Variants in PCDH15 observed in about 807,000 individuals in gnomAD.
PCDH15 encodes the protein protocadherin related 15, also known as protocadherin-15.
A neutral mutation model predicts 178.5 loss-of-function variants in PCDH15; 129 were observed. That is an observed-to-expected ratio of 0.72 (90% CI 0.63 to 0.84). The LOEUF is 0.84. Among genes scored for constraint, PCDH15 ranks in the 40% least tolerant of loss-of-function variants. The probability of loss-of-function intolerance (pLI) is 0.00; values close to 1 mark genes in which losing one functional copy is unlikely to be tolerated. For synonymous variants in PCDH15, 800 were observed against 732.0 expected, an observed-to-expected ratio of 1.09 and a Z score of -1.50; for missense variants, 2,230 against 2,099.9, an observed-to-expected ratio of 1.06 and a Z score of -1.21.
intron 1 of PCDH15, among the ~76,000 whole-genome samples, chr10:54,705,138 A>G (rs1407031896): frequency 6.6e-6 from 1 of 152,074 alleles, no homozygotes; most frequent in Admixed American, 6.6e-5. Flanking sequence ...CATGGACACA[A>G]ATAAGGGATT....
In PCDH15 at chr10:54,195,770, T is replaced by C. The variant is rs1391412746; in HGVS notation, c.1218A>G (p.Glu406=). ...TMPSYQGYIL[E]SAPVGATISD... ...AAATGGTTGCTCCCACTGGGGCAGA[T>C]TCCAGGATATAGCCTTGATAACTGG... Residue 406 remains glutamate (E), a synonymous_variant, in exon 11 of 38, where the codon GAA becomes GAG. Coordinates refer to ENST00000644397, the MANE Select transcript of PCDH15 (RefSeq NM_001384140.1). 6.2e-7 allele frequency: 1 copy of C among 1,614,130 alleles called. No individual in the cohort carries two copies.
At chr10:54,532,478 A>G (rs1330759572) in intron 2 of PCDH15, among the ~76,000 whole-genome samples, 1 of 152,068 alleles carries the variant, frequency 6.6e-6, no homozygotes, top group African/African-American at 2.4e-5. Context: ...TGATTACTTG[A>G]TTCTTCACAG....
At chr10:54,227,664 A>G (rs2053597543) in intron 9 of PCDH15, among the ~76,000 whole-genome samples, 1 of 152,204 alleles carries the variant, frequency 6.6e-6, no homozygotes, top group East Asian at 1.9e-4. Context: ...TTTCTTTTCT[A>G]TCAAATTATC....
intron 2 of PCDH15, among the ~76,000 whole-genome samples, chr10:54,962,484 C>A (rs1015872293): frequency 2.0e-5 from 3 of 152,226 alleles, no homozygotes; most frequent in African/African-American, 7.2e-5. Context: ...GACCTTGGGG[C>A]TCCCTGAACC....
intron 7 of PCDH15, 113 bp downstream of exon 7, chr10:54,329,483 C>T: frequency 1.3e-6 from 1 of 762,360 alleles, no homozygotes; most frequent in Non-Finnish European, 2.3e-6. Context: ...GGCAGGAGTG[C>T]CCTGATGAAG....
chr10:53,911,043 G>A (rs749618364), intron 25 of PCDH15, among the ~76,000 whole-genome samples: 30 of 152,184 alleles, frequency 2.0e-4, no homozygotes, highest in Admixed American at 1.3e-3. Flanking sequence ...TTTGATTGGT[G>A]TACCTGAAAG....
In PCDH15 at chr10:54,214,323, A is replaced by G. The variant is rs181155825; in HGVS notation, c.986-275T>C. On this transcript the variant is annotated intron_variant, in intron 9 of 37. Coordinates refer to ENST00000644397, the MANE Select transcript of PCDH15 (RefSeq NM_001384140.1). The stretch of plus-strand genomic sequence containing the variant: ...TAATTTGAATCTTCATCACATGAAA[A>G]TAGACATTAAGTGGAGGGAGAGTAA... Among the ~76,000 whole-genome samples the G allele has an allele frequency of 6.1e-3, 931 of 152,260 alleles. 10 individuals carry two copies. Among genetic ancestry groups the G allele is most frequent in the African/African-American group, 0.018 (766 of 41,558 alleles).
At chr10:54,099,093 C>T (rs559181927) in intron 15 of PCDH15, among the ~76,000 whole-genome samples, 9 of 152,222 alleles carry the variant, frequency 5.9e-5, no homozygotes, top group Non-Finnish European at 1.0e-4. Context: ...TAGATAAAAA[C>T]CAGATATGTA....
intron 2 of PCDH15, among the ~76,000 whole-genome samples, chr10:55,509,427 T>G (rs1420125632): frequency 2.0e-5 from 3 of 151,744 alleles, no homozygotes; most frequent in African/African-American, 7.2e-5. Flanking sequence ...AGCATTCTCC[T>G]GTATCCAGAT....
intron 16 of PCDH15, among the ~76,000 whole-genome samples, chr10:54,087,364 T>C (rs1358137995): frequency 1.3e-5 from 2 of 152,210 alleles, no homozygotes; most frequent in Non-Finnish European, 2.9e-5. Context: ...TAGATGTGCC[T>C]ATTATGAAAA....
At chr10:53,807,453 CACTATTTGACAGCTGCTCT>C (rs1397874744) in intron 37 of PCDH15, among the ~76,000 whole-genome samples, 1 of 152,054 alleles carries the variant, frequency 6.6e-6, no homozygotes, top group East Asian at 1.9e-4. Context: ...GGAGCTGATC[CACTATTTGACAGCTGCTCT>C]ACTATTCAGG....
At chr10:53,890,848 TA>T (rs748695402) in intron 26 of PCDH15, among the ~76,000 whole-genome samples, 1 of 152,174 alleles carries the variant, frequency 6.6e-6, no homozygotes, top group Non-Finnish European at 1.5e-5. Flanking sequence ...GTGCAAATTG[TA>T]TTCTCTTTAT....
intron 13 of PCDH15, among the ~76,000 whole-genome samples, chr10:54,177,580 A>G (rs1426951062): frequency 1.6e-5 from 2 of 126,156 alleles, no homozygotes; most frequent in Admixed American, 1.5e-4. Context: ...TGTACCTAAA[A>G]CTGCTCAAAA....
At chr10:55,132,801 T>G (rs1324590168) in intron 2 of PCDH15, among the ~76,000 whole-genome samples, 4 of 152,216 alleles carry the variant, frequency 2.6e-5, no homozygotes, top group African/African-American at 4.8e-5. Flanking sequence ...CTCATTTTAC[T>G]CTACATATTT....
chr10:54,185,301 G>T (rs2133819158), intron 11 of PCDH15, 33 bp from the exon 12 acceptor site: 2 of 1,611,872 alleles, frequency 1.2e-6, no homozygotes, highest in South Asian at 1.1e-5. Context: ...TTCAAACGTT[G>T]AATAAATAAT....
intron 2 of PCDH15, among the ~76,000 whole-genome samples, chr10:55,458,987 G>C (rs1250062348): frequency 6.6e-6 from 1 of 151,970 alleles, no homozygotes; most frequent in Non-Finnish European, 1.5e-5. Flanking sequence ...AAACTTGTTT[G>C]AGAACAAGTA....
chr10:54,200,369 T>C (rs2050108914), intron 10 of PCDH15, among the ~76,000 whole-genome samples: 2 of 150,284 alleles, frequency 1.3e-5, no homozygotes, highest in South Asian at 4.2e-4. Context: ...TGGTTTGCTG[T>C]GCCCATCAAC....
chr10:53,916,442 A>G (rs978276795), intron 25 of PCDH15, among the ~76,000 whole-genome samples: 5 of 152,176 alleles, frequency 3.3e-5, no homozygotes, highest in African/African-American at 1.2e-4. Flanking sequence ...TTTCATTGGT[A>G]CTGCCAACAT....
At chr10:54,722,617 G>T (rs985652365) in intron 1 of PCDH15, among the ~76,000 whole-genome samples, 4 of 149,422 alleles carry the variant, frequency 2.7e-5, no homozygotes, top group African/African-American at 9.8e-5. Flanking sequence ...TCTGTTAAAT[G>T]ATGGCATAAT....
Sources: allele counts gnomAD v4.1 joint callset (sites outside exome capture counted in the v4.1 genomes callset), GRCh38; gene constraint gnomAD v4.1.1; transcripts MANE v1.5; gene names NCBI Gene and HGNC (gene_info 2026-07-23, HGNC 2026-07-21).